Variants in KCNH5 observed in about 807,000 individuals in gnomAD.
KCNH5 encodes potassium voltage-gated channel subfamily H member 5.
In KCNH5, 46 loss-of-function variants were observed where a neutral mutation model predicts 96.1. The observed-to-expected ratio is 0.48, with a 90% CI of 0.38 to 0.61. KCNH5 has a LOEUF of 0.61. Ranked by LOEUF, KCNH5 falls within the 20% of genes least tolerant of loss-of-function variation. The pLI, the probability that KCNH5 is intolerant of heterozygous loss-of-function variation, is 0.00. For missense variants in KCNH5, 907 were observed against 1,225.8 expected (o/e 0.74, Z 3.88); for synonymous variants, 439 against 449.8 (o/e 0.98, Z 0.30).
At chr14:62,902,057 T>C (rs1470456451) in intron 7 of KCNH5, among the ~76,000 whole-genome samples, 2 of 152,108 alleles carry the variant, frequency 1.3e-5, no homozygotes, top group Non-Finnish European at 2.9e-5. Context: ...TAGCCCATTT[T>C]AATGGGTTTT....
chr14:62,911,478 T>C (rs944933060), intron 7 of KCNH5, among the ~76,000 whole-genome samples: 1 of 152,026 alleles, frequency 6.6e-6, no homozygotes, highest in Non-Finnish European at 1.5e-5. Flanking sequence ...GATGAGATAA[T>C]TCTGAAATTC....
intron 10 of KCNH5, among the ~76,000 whole-genome samples, chr14:62,737,391 T>C (rs1055504301): frequency 1.3e-5 from 2 of 152,194 alleles, no homozygotes; most frequent in Admixed American, 1.3e-4. Context: ...GAATACTGAC[T>C]ACCACTGGAG....
At position 62,715,478 on chromosome 14, in the gene KCNH5, G is replaced by A. The variant is rs80103539; in HGVS notation, c.2020-7023C>T. ...CTCTAGCCCTCCAATCCATGACAACGTGAACTAATACAACAAAGCATTATT... is the reference window on the plus strand; with the variant it reads ...CTCTAGCCCTCCAATCCATGACAACATGAACTAATACAACAAAGCATTATT... On this transcript the variant is annotated intron_variant, in intron 10 of 10. Coordinates refer to ENST00000322893, the MANE Select transcript of KCNH5 (RefSeq NM_139318.5). Among the ~76,000 whole-genome samples the A allele has an allele frequency of 1.1e-3, 161 of 152,240 alleles. 2 individuals carry two copies. In the East Asian group the frequency reaches 0.026, roughly 25 times the overall value.
At chr14:62,877,735 A>G (rs1332538122) in intron 7 of KCNH5, among the ~76,000 whole-genome samples, 3 of 151,832 alleles carry the variant, frequency 2.0e-5, no homozygotes, top group Non-Finnish European at 4.4e-5. Context: ...GAACACTTTT[A>G]CACTGTTGGT....
chr14:62,802,656 A>C (rs1224221526), intron 8 of KCNH5, 75 bp from the exon 9 acceptor site: 5 of 1,515,784 alleles, frequency 3.3e-6, no homozygotes, highest in Non-Finnish European at 4.5e-6. Context: ...CATCCAACAA[A>C]TATTTATTGA....
intron 10 of KCNH5, among the ~76,000 whole-genome samples, chr14:62,744,623 C>G (rs923244432): frequency 1.3e-5 from 2 of 152,142 alleles, no homozygotes; most frequent in Non-Finnish European, 2.9e-5. Context: ...ATATCTTGAG[C>G]ATGAATTACG....
chr14:62,842,142 C>G (rs1887598234), intron 8 of KCNH5, among the ~76,000 whole-genome samples: 1 of 152,162 alleles, frequency 6.6e-6, no homozygotes, highest in Admixed American at 6.5e-5. Context: ...ATTATATTAG[C>G]TGACAATAAT....
intron 10 of KCNH5, among the ~76,000 whole-genome samples, chr14:62,711,621 C>G (rs1478063551): frequency 6.6e-6 from 1 of 152,182 alleles, no homozygotes. Flanking sequence ...ACCTACACAT[C>G]CAATCTCAGG....
At chr14:62,902,954 G>A (rs1349024372) in intron 7 of KCNH5, among the ~76,000 whole-genome samples, 4 of 151,960 alleles carry the variant, frequency 2.6e-5, no homozygotes, top group South Asian at 2.1e-4. Flanking sequence ...TCCTAGACTC[G>A]TGATCCACCC....
chr14:62,737,840 A>G (rs1885190960), intron 10 of KCNH5, among the ~76,000 whole-genome samples: 1 of 152,132 alleles, frequency 6.6e-6, no homozygotes, highest in Admixed American at 6.6e-5. Flanking sequence ...CTTACTAAAA[A>G]TACTTTTATA....
chr14:62,795,242 T>C (rs1166789076), intron 9 of KCNH5, among the ~76,000 whole-genome samples: 1 of 152,126 alleles, frequency 6.6e-6, no homozygotes, highest in Non-Finnish European at 1.5e-5. Flanking sequence ...GAACACAACA[T>C]ATTTTTCTGG....
At chr14:62,940,418 T>C (rs1889765612) in intron 7 of KCNH5, among the ~76,000 whole-genome samples, 1 of 152,222 alleles carries the variant, frequency 6.6e-6, no homozygotes, top group African/African-American at 2.4e-5. Flanking sequence ...TGCAACAGTC[T>C]CCTAACTGGT....
intron 10 of KCNH5, among the ~76,000 whole-genome samples, chr14:62,717,270 G>T (rs965072207): frequency 7.2e-5 from 11 of 152,102 alleles, no homozygotes; most frequent in African/African-American, 2.2e-4. Flanking sequence ...CCATTTTTCA[G>T]AAATTGATAA....
Position 62,779,720 on chromosome 14 carries a change from G to T in KCNH5, c.2019+8C>A. The stretch of plus-strand genomic sequence containing the variant: ...ACTAATAAGAAAAAGCAGACCCAGA[G>T]AACATACCCGTTTCCTCAGATTGCA... On this transcript the variant is annotated splice_region_variant and intron_variant, in intron 10 of 10. Coordinates refer to ENST00000322893, the MANE Select transcript of KCNH5 (RefSeq NM_139318.5). 1 of 1,609,660 alleles carries T rather than the reference G, an allele frequency of 6.2e-7. No individual in the cohort carries two copies. The highest frequency in any genetic ancestry group is 1.1e-5 in the South Asian group (1 of 90,454).
intron 8 of KCNH5, among the ~76,000 whole-genome samples, chr14:62,812,876 A>G (rs1376580890): frequency 3.9e-5 from 6 of 152,170 alleles, no homozygotes; most frequent in Admixed American, 1.3e-4. Context: ...ATCACATTAT[A>G]ATCAATTCCT....
At chr14:62,883,414 A>G (rs1888531716) in intron 7 of KCNH5, among the ~76,000 whole-genome samples, 3 of 152,198 alleles carry the variant, frequency 2.0e-5, no homozygotes, top group Non-Finnish European at 4.4e-5. Context: ...TTAACTAGGG[A>G]CGACTTCTAG....
chr14:62,878,561 T>A (rs1275015203), intron 7 of KCNH5, among the ~76,000 whole-genome samples: 1 of 152,096 alleles, frequency 6.6e-6, no homozygotes, highest in Non-Finnish European at 1.5e-5. Context: ...ATATTCACAA[T>A]ACATGTGGTG....
intron 1 of KCNH5, among the ~76,000 whole-genome samples, chr14:63,018,851 C>A (rs550909083): frequency 4.0e-5 from 6 of 151,876 alleles, no homozygotes; most frequent in African/African-American, 1.4e-4. Context: ...AAATGGAAAA[C>A]CCTACAATTA....
At chr14:62,940,584 C>T (rs1479526633) in intron 7 of KCNH5, among the ~76,000 whole-genome samples, 1 of 152,194 alleles carries the variant, frequency 6.6e-6, no homozygotes, top group African/African-American at 2.4e-5. Flanking sequence ...TCTTTCCATT[C>T]ACATCTACTT....
Sources: allele counts gnomAD v4.1 joint callset (sites outside exome capture counted in the v4.1 genomes callset), GRCh38; gene constraint gnomAD v4.1.1; transcripts MANE v1.5; gene names NCBI Gene and HGNC (gene_info 2026-07-23, HGNC 2026-07-21).